The following TASOR2 variants were observed in gnomAD, a reference collection of about 807,000 sequenced individuals.
TASOR2 encodes transcription activation suppressor family member 2, also known as protein TASOR 2.
In TASOR2, 84 loss-of-function variants were observed where a neutral mutation model predicts 199.5. That is an observed-to-expected ratio of 0.42 (90% CI 0.35 to 0.50). The LOEUF (loss-of-function observed/expected upper bound fraction) is 0.50. Among genes scored for constraint, TASOR2 ranks in the 20% least tolerant of loss-of-function variants. The pLI is 0.02. For missense variants in TASOR2, 2,796 were observed against 2,835.9 expected, an observed-to-expected ratio of 0.99 and a Z score of 0.32; for synonymous variants, 1,103 against 1,046.6, an observed-to-expected ratio of 1.05 and a Z score of -1.04.
rs1473346110 is a variant in TASOR2 at position 5,752,650 on chromosome 10, C to A, written c.6606+2623C>A. Among the ~76,000 whole-genome samples the A allele has an allele frequency of 6.6e-6, 1 of 152,242 alleles. No homozygotes were observed. The highest frequency in any genetic ancestry group is 1.5e-5 in the Non-Finnish European group (1 of 68,036). On this transcript the variant is annotated intron_variant, in intron 15 of 20. Coordinates refer to ENST00000328090, the Ensembl canonical transcript of TASOR2. This position sits in a 1 kb window ranked among gnomAD's most constrained non-coding sequence, Gnocchi z 4.4. ...TCACAGTGTCCCCTGGGTGCAGGGT[C>A]ACAAGACCACTTCTCATCTGGAGTA...
chr10:5,761,801 AG>A, intron 19 of TASOR2: 1 of 172,186 alleles, frequency 5.8e-6, no homozygotes, highest in African/African-American at 2.4e-5. Flanking sequence ...TGGGAGGCCG[AG>A]GCGGGCGGAT....
chr10:5,763,104 A>G (rs537958809), exon 21 of TASOR2: 2 of 1,449,846 alleles, frequency 1.4e-6, no homozygotes, highest in East Asian at 4.6e-5. Flanking sequence ...AAAACTTGTG[A>G]ACATGTGAAT....
intron 2 of TASOR2, chr10:5,714,608 C>G (rs1832366095): frequency 6.7e-6 from 1 of 150,184 alleles, no homozygotes; most frequent in Non-Finnish European, 1.4e-5. Flanking sequence ...GGTAGAGAAG[C>G]TGATGAGTTA....
chr10:5,727,130 A>T lies in TASOR2; in HGVS notation c.487+7A>T. The T allele has an allele frequency of 1.2e-6, 2 of 1,614,040 alleles. No homozygotes were observed. The highest frequency in any genetic ancestry group is 8.5e-7 in the Non-Finnish European group (1 of 1,179,976). ...CGTTCACCCCTGTCAACAGGTGAGG[A>T]TACAATGGTTTCCAGCTCACTCTGT... On this transcript the variant is annotated splice_region_variant and intron_variant, in intron 10 of 20. Transcript: ENST00000328090.
rs376400922 is a variant in TASOR2, at chr10:5,735,274, C to T, written c.1205-30C>T. On this transcript the variant is annotated intron_variant, in intron 11 of 20. Coordinates refer to ENST00000328090, the Ensembl canonical transcript of TASOR2. ...ATGCTAAGTATCTGGGCCCCTACCC[C>T]TTACAAAAATGATGTCTTTTCTACA... 27 of 1,601,060 alleles carry T rather than the reference C, an allele frequency of 1.7e-5. No homozygotes were observed. The African/African-American group carries it at 2.8e-4, about 17-fold the overall frequency.
At chr10:5,746,605 G>C (rs745422965) in exon 15 of TASOR2, 1 of 1,614,016 alleles carries the variant, frequency 6.2e-7, no homozygotes, top group Admixed American at 1.7e-5. Flanking sequence ...AAATGCACAT[G>C]TACCAATACA....
At position 5,748,024 on chromosome 10, in the gene TASOR2, A is replaced by G. The variant is rs1177619484; in HGVS notation, c.4603A>G (p.Thr1535Ala). The change falls in exon 15 of 21, where the codon ACA (threonine) becomes GCA (alanine). Residue 1535 changes from threonine to alanine, a missense_variant. Physicochemically the swap from Thr to Ala is moderately conservative, Grantham distance 58. Around this residue, in one of 3 missense-constraint regions of TASOR2, gnomAD observed 1,941 missense variants for 1,924.9 expected, o/e 1.01. Coordinates refer to ENST00000328090, the Ensembl canonical transcript of TASOR2. This position sits in a 1 kb window ranked among gnomAD's most constrained non-coding sequence, Gnocchi z 5.1. ...CCAGCCTGCCTCAGCTGCCAAATGC[A>G]CAGGTGACTTCAGTCCTTCTCCTGA... is the stretch of plus-strand genomic sequence containing the variant. 3 of 1,614,098 alleles carry G rather than the reference A, an allele frequency of 1.9e-6. No individual in the cohort carries two copies. Among genetic ancestry groups the G allele is most frequent in the Non-Finnish European group, 2.5e-6 (3 of 1,180,032 alleles).
intron 1 of TASOR2, among the ~76,000 whole-genome samples, chr10:5,697,460 G>A (rs1285292842): frequency 1.3e-5 from 2 of 152,134 alleles, no homozygotes; most frequent in African/African-American, 4.8e-5. Flanking sequence ...CGTATACCTG[G>A]CTAAGACTGA....
chr10:5,714,086 A>G, intron 2 of TASOR2, 49 bp from the exon 3 acceptor site: 1 of 1,014,848 alleles, frequency 9.9e-7, no homozygotes, highest in Non-Finnish European at 1.3e-6. Flanking sequence ...AGATTATAGC[A>G]TTTTTTCATT....
chr10:5,757,471 A>C (rs751525981), intron 16 of TASOR2, 49 bp from the exon 18 acceptor site: 1 of 1,546,576 alleles, frequency 6.5e-7, no homozygotes, highest in Admixed American at 2.2e-5. Flanking sequence ...GTCTAAGAAA[A>C]TGTGCCCAGT....
chr10:5,702,088 A>G (rs1003766733), intron 1 of TASOR2, among the ~76,000 whole-genome samples: 1 of 152,140 alleles, frequency 6.6e-6, no homozygotes. Flanking sequence ...GATGTTTGCT[A>G]TTGGTTTGTC....
In TASOR2 at chr10:5,748,042, T is replaced by C; in HGVS notation, c.4621T>C (p.Ser1541Pro). The change falls in exon 15 of 21, where the codon TCT becomes CCT. Residue 1541 changes from serine to proline, a missense_variant. This residue lies in a region of TASOR2 where 1,941 missense variants were observed against 1,924.9 expected (regional missense o/e 1.01). Transcript: ENST00000328090. This position sits in a 1 kb window ranked among gnomAD's most constrained non-coding sequence, Gnocchi z 5.1. ...CAAATGCACAGGTGACTTCAGTCCT[T>C]CTCCTGAAAAACTGGTAAAATCAGG... is the stretch of plus-strand genomic sequence containing the variant. The C allele has an allele frequency of 3.1e-6, 5 of 1,614,104 alleles. No individual in the cohort carries two copies. Among genetic ancestry groups the C allele is most frequent in the Non-Finnish European group, 4.2e-6 (5 of 1,180,020 alleles).
At chr10:5,716,489 G>A (rs1478366703) in intron 2 of TASOR2, among the ~76,000 whole-genome samples, 1 of 152,146 alleles carries the variant, frequency 6.6e-6, no homozygotes, top group Non-Finnish European at 1.5e-5. Context: ...TCATAACGCT[G>A]ATAACACTGC....
rs753163433 is a variant in TASOR2 at position 5,742,571 on chromosome 10, G to GAAA, written c.2757+50_2757+52dup. On this transcript the variant is annotated intron_variant, in intron 14 of 20. Transcript: ENST00000328090. This position sits in a 1 kb window ranked among gnomAD's most constrained non-coding sequence, Gnocchi z 4.2. The stretch of plus-strand genomic sequence containing the variant: ...GTTAAATGTTGGCATTATTTTTGAA[G>GAAA]AAAAAAATGTTTATATGTAAAATCA... 6.6e-7 allele frequency: 1 copy of GAAA among 1,526,472 alleles called. No homozygotes were observed. Among genetic ancestry groups the GAAA allele is most frequent in the East Asian group, 2.3e-5 (1 of 44,410 alleles). The allele number at this position is 1,526,472 out of a possible 1,614,324, so 94.6% of individuals were successfully genotyped here.
At chr10:5,688,783 G>A (rs1040841294) in intron 1 of TASOR2, among the ~76,000 whole-genome samples, 14 of 151,822 alleles carry the variant, frequency 9.2e-5, no homozygotes, top group Admixed American at 8.5e-4. Flanking sequence ...GAGCTGGGAG[G>A]ATTGCTTCAG....
chr10:5,730,963 A>C lies in TASOR2; in HGVS notation c.964A>C (p.Thr322Pro), dbSNP rs1210357030. 6.2e-7 allele frequency: 1 copy of C among 1,614,022 alleles called. No individual in the cohort carries two copies. Among genetic ancestry groups the C allele is most frequent in the Admixed American group, 1.7e-5 (1 of 59,984 alleles). Reference sequence around the variant, plus strand: ...GGCAGAAGTGAGAAAAGAAACTGAAACAAAAAAGGATTCTGAAGAAATGTT... The same window carrying C: ...GGCAGAAGTGAGAAAAGAAACTGAACCAAAAAAGGATTCTGAAGAAATGTT... Residue 322 changes from threonine to proline, a missense_variant, in exon 11 of 21, where the codon ACA becomes CCA. By Grantham distance (38) the Thr-to-Pro change is conservative (BLOSUM62 -1). This residue lies in a region of TASOR2 where 847 missense variants were observed against 887.4 expected (regional missense o/e 0.95). Coordinates refer to ENST00000328090, the Ensembl canonical transcript of TASOR2. The surrounding 1 kb of genome is among the most constrained non-coding windows in gnomAD (Gnocchi z 4.1).
chr10:5,698,599 T>C lies in TASOR2; in HGVS notation c.-288+13424T>C, dbSNP rs1243516928. 6.6e-6 allele frequency among the ~76,000 whole-genome samples: 1 copy of C among 152,212 alleles called. No individual in the cohort carries two copies. Among genetic ancestry groups the C allele is most frequent in the Non-Finnish European group, 1.5e-5 (1 of 68,018 alleles). ...ATGGGGACATGGTCATTCCTATTTA[T>C]GCATTTTCTATGGCTGTTTTTATGC... On this transcript the variant is annotated intron_variant, in intron 1 of 20. Transcript: ENST00000328090. The surrounding 1 kb of genome is among the most constrained non-coding windows in gnomAD (Gnocchi z 4.4).
chr10:5,731,015 T>G, exon 11 of TASOR2: 1 of 1,614,108 alleles, frequency 6.2e-7, no homozygotes, highest in Non-Finnish European at 8.5e-7. Context: ...GTTTTTCCAT[T>G]GAGTCCAGCG....
In TASOR2 at chr10:5,720,865, C is replaced by A. The variant is rs1172650474; in HGVS notation, c.47-6C>A. The A allele has an allele frequency of 2.6e-5, 42 of 1,601,272 alleles. No individual in the cohort carries two copies. The East Asian group carries it at 9.2e-4, about 35-fold the overall frequency. On this transcript the variant is annotated splice_polypyrimidine_tract_variant and splice_region_variant and intron_variant, in intron 5 of 20. Coordinates refer to ENST00000328090, the Ensembl canonical transcript of TASOR2. The surrounding 1 kb of genome is among the most constrained non-coding windows in gnomAD (Gnocchi z 5.3). ...ATCAGTTTCTTTTTTACCTTCATTT[C>A]TTCAGTTCTCATGTCTCCATGGAAA...
Sources: gnomAD v4.1 joint callset for allele counts (sites outside exome capture counted in the v4.1 genomes callset) on GRCh38, gnomAD v4.1.1 for gene constraint, gnomAD v4.1.1 regional missense constraint, Gnocchi (gnomAD v3.1) non-coding constraint, MANE v1.5 for transcripts, NCBI Gene and HGNC (gene_info 2026-07-23, HGNC 2026-07-21) for gene names.